SUPT3H: variants seen among roughly 807,000 people sequenced by gnomAD.
SUPT3H encodes transcription initiation protein SPT3 homolog.
A neutral mutation model predicts 44.3 loss-of-function variants in SUPT3H; 44 were observed. The observed-to-expected ratio is 0.99, with a 90% CI of 0.78 to 1.28. The LOEUF (loss-of-function observed/expected upper bound fraction) is 1.28. Ranked by LOEUF, SUPT3H falls within the 50% of genes most tolerant of loss-of-function variation. SUPT3H has a pLI of 0.00. For missense variants in SUPT3H, 380 were observed against 387.1 expected (o/e 0.98, Z 0.15); for synonymous variants, 124 against 125.6 (o/e 0.99, Z 0.09).
At chr6:44,960,952 T>G (rs1283323437) in intron 7 of SUPT3H, among the ~76,000 whole-genome samples, 1 of 152,226 alleles carries the variant, frequency 6.6e-6, no homozygotes, top group Non-Finnish European at 1.5e-5. Flanking sequence ...ATGCTGTTAT[T>G]GGGACCACAT....
intron 10 of SUPT3H, among the ~76,000 whole-genome samples, chr6:44,857,660 A>C (rs1014614468): frequency 1.3e-5 from 2 of 152,184 alleles, no homozygotes; most frequent in South Asian, 2.1e-4. Flanking sequence ...TTTACTTTTT[A>C]GTCGATTTTT....
At chr6:45,290,177 C>T (rs567494855) in intron 2 of SUPT3H, among the ~76,000 whole-genome samples, 93 of 151,302 alleles carry the variant, frequency 6.1e-4, no homozygotes, top group Non-Finnish European at 1.1e-3. Flanking sequence ...GAGACCCCGT[C>T]TCAAAAAAAG....
chr6:45,170,283 T>G (rs1426178291), intron 2 of SUPT3H, among the ~76,000 whole-genome samples: 1 of 152,200 alleles, frequency 6.6e-6, no homozygotes, highest in Admixed American at 6.5e-5. Context: ...TGGCTGCAAA[T>G]GAGTCTTGCT....
At chr6:45,213,758 T>C (rs1006329537) in intron 2 of SUPT3H, among the ~76,000 whole-genome samples, 2 of 152,020 alleles carry the variant, frequency 1.3e-5, no homozygotes, top group African/African-American at 4.8e-5. Flanking sequence ...TAAATTTTTA[T>C]AAGTTTTTAG....
intron 10 of SUPT3H, among the ~76,000 whole-genome samples, chr6:44,865,058 T>C (rs1775293362): frequency 6.6e-6 from 1 of 152,146 alleles, no homozygotes; most frequent in South Asian, 2.1e-4. Flanking sequence ...CCTTAAATCA[T>C]CTCTCTCAAG....
At chr6:45,223,255 T>A (rs1236050766) in intron 2 of SUPT3H, among the ~76,000 whole-genome samples, 1 of 152,112 alleles carries the variant, frequency 6.6e-6, no homozygotes. Context: ...ATATTCTAAT[T>A]TTAATAGTGT....
In SUPT3H at chr6:45,120,417, T is replaced by TAAAAAAAA. The variant is rs71687494; in HGVS notation, c.102-14419_102-14412dup. Among the ~76,000 whole-genome samples the TAAAAAAAA allele has an allele frequency of 9.5e-4, 48 of 50,508 alleles. 4 individuals carry two copies. The highest frequency in any genetic ancestry group is 8.4e-3 in the South Asian group (9 of 1,074). The allele number at this position is 50,508 out of a possible 152,430, so 33.1% of individuals were successfully genotyped here. Reference sequence around the variant, plus strand: ...CTGGGTAACAGTGTGAGACCTTGTCTAAAAAAAAAAAAAAAAAAAAAAAAG... The same window carrying TAAAAAAAA: ...CTGGGTAACAGTGTGAGACCTTGTCTAAAAAAAAAAAAAAAAAAAAAAAAAAAAAAAAG... On this transcript the variant is annotated intron_variant, in intron 2 of 10. Coordinates refer to ENST00000371459, the MANE Select transcript of SUPT3H (RefSeq NM_003599.4).
chr6:45,298,702 T>C (rs1262901012), intron 2 of SUPT3H, among the ~76,000 whole-genome samples: 1 of 152,114 alleles, frequency 6.6e-6, no homozygotes, highest in African/African-American at 2.4e-5. Flanking sequence ...TGACTAAAAT[T>C]GGCCAATGTA....
chr6:45,343,218 G>A (rs1790172185), intron 2 of SUPT3H, among the ~76,000 whole-genome samples: 1 of 152,108 alleles, frequency 6.6e-6, no homozygotes, highest in Non-Finnish European at 1.5e-5. Context: ...TGTTAAAAAT[G>A]CAGAATCTCA....
intron 2 of SUPT3H, among the ~76,000 whole-genome samples, chr6:45,244,828 C>T (rs1771049569): frequency 6.6e-6 from 1 of 152,032 alleles, no homozygotes. Flanking sequence ...ACTTTTCATT[C>T]TGAGGGTTAA....
intron 3 of SUPT3H, among the ~76,000 whole-genome samples, chr6:45,022,073 C>T (rs1785219823): frequency 6.6e-6 from 1 of 151,916 alleles, no homozygotes; most frequent in African/African-American, 2.4e-5. Context: ...ATTTCTATCA[C>T]AGTCTAAAAT....
At chr6:45,306,804 AGCCC>A (rs1783101030) in intron 2 of SUPT3H, among the ~76,000 whole-genome samples, 2 of 150,752 alleles carry the variant, frequency 1.3e-5, no homozygotes, top group African/African-American at 2.4e-5. Flanking sequence ...CAGTGGGTGC[AGCCC>A]ACTGAGCGTG....
At chr6:45,139,552 G>A (rs551597040) in intron 2 of SUPT3H, among the ~76,000 whole-genome samples, 123 of 94,248 alleles carry the variant, frequency 1.3e-3, no homozygotes, top group African/African-American at 5.9e-3. Flanking sequence ...CCACGAGACA[G>A]GAGAAAAACT....
intron 3 of SUPT3H, among the ~76,000 whole-genome samples, chr6:45,091,854 A>C (rs746284484): frequency 2.6e-5 from 4 of 151,884 alleles, no homozygotes; most frequent in Non-Finnish European, 4.4e-5. Flanking sequence ...GGGGAGAAAA[A>C]GTTTTTGGTC....
chr6:45,184,136 T>C (rs1259126355), intron 2 of SUPT3H, among the ~76,000 whole-genome samples: 1 of 152,192 alleles, frequency 6.6e-6, no homozygotes, highest in Non-Finnish European at 1.5e-5. Flanking sequence ...AAACACTCTA[T>C]ACTTCCTTTA....
chr6:45,158,168 A>G (rs1206359983), intron 2 of SUPT3H, among the ~76,000 whole-genome samples: 2 of 144,534 alleles, frequency 1.4e-5, no homozygotes, highest in Non-Finnish European at 3.0e-5. Context: ...ACTCTGATCT[A>G]CAATCATTTA....
intron 10 of SUPT3H, among the ~76,000 whole-genome samples, chr6:44,838,710 A>C (rs1049414225): frequency 6.6e-6 from 1 of 152,292 alleles, no homozygotes; most frequent in Admixed American, 6.5e-5. Context: ...GATTCTCTTG[A>C]ATCACTGCTT....
chr6:44,849,338 T>C (rs1400718937), intron 10 of SUPT3H, among the ~76,000 whole-genome samples: 2 of 148,258 alleles, frequency 1.3e-5, no homozygotes, highest in African/African-American at 2.5e-5. Flanking sequence ...GCCATTCTCC[T>C]GCCTCAGCCT....
At chr6:45,283,889 T>G (rs1778667068) in intron 2 of SUPT3H, among the ~76,000 whole-genome samples, 2 of 152,156 alleles carry the variant, frequency 1.3e-5, no homozygotes, top group Admixed American at 1.3e-4. Flanking sequence ...AAACTGTCTC[T>G]CAGACCACAG....
Sources: gnomAD v4.1 joint callset for allele counts (sites outside exome capture counted in the v4.1 genomes callset) on GRCh38, gnomAD v4.1.1 for gene constraint, MANE v1.5 for transcripts, NCBI Gene and HGNC (gene_info 2026-07-23, HGNC 2026-07-21) for gene names.